The following DIPK1A variants were observed in gnomAD, a reference collection of about 807,000 sequenced individuals.
DIPK1A encodes the protein family with sequence similarity 69 member A.
DIPK1A carries 27 observed loss-of-function variants against 40.8 expected under a neutral mutation model. That is an observed-to-expected ratio of 0.66 (90% CI 0.49 to 0.91). The LOEUF (loss-of-function observed/expected upper bound fraction) is 0.91. Among genes scored for constraint, DIPK1A ranks in the 40% least tolerant of loss-of-function variants. The pLI, the probability that DIPK1A is intolerant of heterozygous loss-of-function variation, is 0.00. For missense variants in DIPK1A, 412 were observed against 505.7 expected, an observed-to-expected ratio of 0.81 and a Z score of 1.78; for synonymous variants, 166 against 171.3, an observed-to-expected ratio of 0.97 and a Z score of 0.24.
At chr1:92,921,910 G>A (rs372130641) in intron 1 of DIPK1A, among the ~76,000 whole-genome samples, 19 of 152,108 alleles carry the variant, frequency 1.2e-4, no homozygotes, top group African/African-American at 4.6e-4. Flanking sequence ...TCAGATTGGA[G>A]GTTACTGCAC....
At chr1:92,955,768 CA>C (rs1386394594) in intron 1 of DIPK1A, among the ~76,000 whole-genome samples, 1 of 150,694 alleles carries the variant, frequency 6.6e-6, no homozygotes, top group African/African-American at 2.4e-5. Flanking sequence ...GGGCCAGGCA[CA>C]GTGGTTAATT....
rs371622817 is a variant in DIPK1A at position 92,909,662 on chromosome 1, T to C, written c.55-33232A>G. 9.8e-5 allele frequency among the ~76,000 whole-genome samples: 15 copies of C among 152,304 alleles called. No individual in the cohort carries two copies. The East Asian group carries it at 1.5e-3, about 16-fold the overall frequency. ...ACTCTGACATAAGCCCAAGCGAAGA[T>C]GTTCTGATTATTGGCCCTAGGTGTA... On this transcript the variant is annotated intron_variant, in intron 1 of 4. Coordinates refer to ENST00000370310, the MANE Select transcript of DIPK1A (RefSeq NM_001006605.5).
intron 2 of DIPK1A, among the ~76,000 whole-genome samples, chr1:92,857,791 G>C (rs1335585293): frequency 6.6e-6 from 1 of 152,148 alleles, no homozygotes; most frequent in Non-Finnish European, 1.5e-5. Flanking sequence ...CAGAGAGCAG[G>C]TTAATGGCAG....
downstream of DIPK1A, among the ~76,000 whole-genome samples, chr1:92,838,777 G>C (rs1035129408): frequency 2.6e-5 from 4 of 152,192 alleles, no homozygotes; most frequent in African/African-American, 9.7e-5. Context: ...TCATCAAATG[G>C]ATTTGTTATT....
At chr1:92,948,286 T>C (rs1458842848) in intron 1 of DIPK1A, among the ~76,000 whole-genome samples, 1 of 152,154 alleles carries the variant, frequency 6.6e-6, no homozygotes, top group Non-Finnish European at 1.5e-5. Context: ...GCATGTTGTC[T>C]GGAAAACTGG....
rs77327308 is a variant in DIPK1A, at chr1:92,870,681, G to A, written c.189+5615C>T. ...ACCCAAATCTCCTTCTCCAGGACTG[G>A]AGCACTTATTCCTTCAGCACTGGGA... On this transcript the variant is annotated intron_variant, in intron 2 of 4. Coordinates refer to ENST00000370310, the MANE Select transcript of DIPK1A (RefSeq NM_001006605.5). 1.1e-4 allele frequency among the ~76,000 whole-genome samples: 16 copies of A among 152,256 alleles called. No individual in the cohort carries two copies. In the East Asian group the frequency reaches 2.5e-3, roughly 24 times the overall value.
chr1:92,860,267 T>C (rs559345180), intron 2 of DIPK1A, among the ~76,000 whole-genome samples: 2 of 152,214 alleles, frequency 1.3e-5, no homozygotes, highest in South Asian at 4.1e-4. Context: ...AAACACAGTT[T>C]GCTGGACCTG....
rs2100808025 is a variant in DIPK1A, at chr1:92,893,888, G to C, written c.55-17458C>G. Among the ~76,000 whole-genome samples, 2 of 151,232 alleles carry C rather than the reference G, an allele frequency of 1.3e-5. 1 individual carries two copies. The highest frequency in any genetic ancestry group is 4.2e-4 in the South Asian group (2 of 4,808). ...ATAAAACAGACTTTAAACCAACAAA[G>C]ATCAAAAGAGACAAAGAAGGCCATT... On this transcript the variant is annotated intron_variant, in intron 1 of 4. Transcript: ENST00000370310.
chr1:92,839,491 A>C (rs1017258746), downstream of DIPK1A, among the ~76,000 whole-genome samples: 2 of 152,208 alleles, frequency 1.3e-5, no homozygotes, highest in Admixed American at 1.3e-4. Context: ...GAAAGACAGA[A>C]GAGAGGTCCT....
At chr1:92,872,481 G>A (rs563846629) in intron 2 of DIPK1A, among the ~76,000 whole-genome samples, 1 of 152,144 alleles carries the variant, frequency 6.6e-6, no homozygotes, top group African/African-American at 2.4e-5. Context: ...TGAATATAAA[G>A]TTATTTTTAC....
downstream of DIPK1A, chr1:92,837,365 A>G (rs1297327000): frequency 1.8e-6 from 2 of 1,100,244 alleles, no homozygotes; most frequent in Non-Finnish European, 2.8e-6. Context: ...AATTGTTTCA[A>G]GACGGGACTG....
At chr1:92,869,634 TTGAC>T (rs1647736978) in intron 2 of DIPK1A, among the ~76,000 whole-genome samples, 1 of 152,168 alleles carries the variant, frequency 6.6e-6, no homozygotes, top group Non-Finnish European at 1.5e-5. Context: ...AAAGATGAAA[TTGAC>T]TGAAGATTTT....
chr1:92,842,660 T>A lies in DIPK1A; in HGVS notation c.*723A>T. On this transcript the variant is annotated 3_prime_UTR_variant, in exon 5 of 5. Coordinates refer to ENST00000370310, the MANE Select transcript of DIPK1A (RefSeq NM_001006605.5). ...AAAATCAGGATATGTGGATCTTGAT[T>A]GGGCCTTAAGATGTCAGTTTTGAAG... 1.0e-6 allele frequency: 1 copy of A among 985,418 alleles called. No homozygotes were observed. Among genetic ancestry groups the A allele is most frequent in the Middle Eastern group, 5.2e-4 (1 of 1,914 alleles). The allele number at this position is 985,418 out of a possible 1,614,324, so 61.0% of individuals were successfully genotyped here.
chr1:92,842,119 G>T (rs896855597), downstream of DIPK1A: 15 of 841,396 alleles, frequency 1.8e-5, no homozygotes, highest in African/African-American at 2.3e-4. Flanking sequence ...ATGATGAACA[G>T]CTCTCCCTAA....
At chr1:92,923,640 G>C (rs890241178) in intron 1 of DIPK1A, among the ~76,000 whole-genome samples, 2 of 152,136 alleles carry the variant, frequency 1.3e-5, no homozygotes, top group African/African-American at 4.8e-5. Context: ...TCTCATTTGA[G>C]GATGAGGAAA....
chr1:92,893,064 T>G (rs929298974), intron 1 of DIPK1A, among the ~76,000 whole-genome samples: 4 of 151,998 alleles, frequency 2.6e-5, no homozygotes, highest in South Asian at 2.1e-4. Context: ...TGGAACCAAG[T>G]TGGAAAACAC....
intron 2 of DIPK1A, among the ~76,000 whole-genome samples, chr1:92,872,513 A>C (rs1328392557): frequency 6.6e-6 from 1 of 152,142 alleles, no homozygotes; most frequent in Non-Finnish European, 1.5e-5. Flanking sequence ...ATAACTCTTA[A>C]TATCTGGATC....
chr1:92,875,970 C>T (rs538004648), intron 2 of DIPK1A, among the ~76,000 whole-genome samples: 1 of 150,654 alleles, frequency 6.6e-6, no homozygotes, highest in Non-Finnish European at 1.5e-5. Context: ...CTTTTATAGT[C>T]TAAACATTAA....
chr1:92,899,918 C>G (rs566019977), intron 1 of DIPK1A, among the ~76,000 whole-genome samples: 1 of 152,148 alleles, frequency 6.6e-6, no homozygotes, highest in Admixed American at 6.5e-5. Flanking sequence ...GTATTCCTGG[C>G]TGGCTATTTT....
Sources: allele counts gnomAD v4.1 joint callset (sites outside exome capture counted in the v4.1 genomes callset), GRCh38; gene constraint gnomAD v4.1.1; transcripts MANE v1.5; gene names NCBI Gene and HGNC (gene_info 2026-07-23, HGNC 2026-07-21).